Variants in MTUS2 observed in about 807,000 individuals in gnomAD.
The protein encoded by MTUS2 is microtubule-associated tumor suppressor candidate 2.
Under a neutral mutation model 114.1 loss-of-function variants are expected in MTUS2, and 40 were observed. The observed-to-expected ratio is 0.35, with a 90% confidence interval of 0.27 to 0.46. The LOEUF is 0.46. Ranked by LOEUF, MTUS2 falls within the 20% of genes least tolerant of loss-of-function variation. The pLI is 1.00. For missense variants in MTUS2, 1,679 were observed against 1,705.4 expected (o/e 0.98, Z 0.27); for synonymous variants, 688 against 672.0 (o/e 1.02, Z -0.37).
chr13:29,379,655 A>G (rs1359541428), intron 8 of MTUS2, among the ~76,000 whole-genome samples: 2 of 152,202 alleles, frequency 1.3e-5, no homozygotes, highest in African/African-American at 4.8e-5. Flanking sequence ...TACCGTCATC[A>G]TACATGTCCT....
At chr13:28,929,677 T>C (rs17072383) in intron 2 of MTUS2, among the ~76,000 whole-genome samples, 14,033 of 152,108 alleles carry the variant, frequency 0.092, 867 homozygotes, top group South Asian at 0.23. Context: ...GGGAGGACTT[T>C]ATTTAGTAGG....
At chr13:28,989,578 C>G (rs1884734176) in intron 2 of MTUS2, among the ~76,000 whole-genome samples, 1 of 152,178 alleles carries the variant, frequency 6.6e-6, no homozygotes, top group Non-Finnish European at 1.5e-5. Flanking sequence ...ATCTGGGTCA[C>G]AGTTTGGTGA....
chr13:29,356,805 A>G (rs751842948), intron 7 of MTUS2, among the ~76,000 whole-genome samples: 2 of 152,294 alleles, frequency 1.3e-5, no homozygotes, highest in East Asian at 1.9e-4. Context: ...TTTTCTTCCT[A>G]AAGTCTTAGC....
At chr13:28,825,743 T>G (rs913886499) in intron 1 of MTUS2, among the ~76,000 whole-genome samples, 1 of 152,228 alleles carries the variant, frequency 6.6e-6, no homozygotes, top group Non-Finnish European at 1.5e-5. Context: ...GCTGTTTCAT[T>G]TTTTAAGCTG....
At chr13:29,260,972 G>T (rs1478224192) in intron 5 of MTUS2, among the ~76,000 whole-genome samples, 1 of 152,120 alleles carries the variant, frequency 6.6e-6, no homozygotes, top group East Asian at 1.9e-4. Context: ...CCAAGATGTG[G>T]GTAGTGCTGC....
At chr13:28,995,451 A>C (rs370567694) in intron 2 of MTUS2, among the ~76,000 whole-genome samples, 4,180 of 151,680 alleles carry the variant, frequency 0.028, 178 homozygotes, top group African/African-American at 0.095. Context: ...TCATTGGTAG[A>C]TTGATGGGGA....
At chr13:29,125,140 A>G (rs551738158) in intron 5 of MTUS2, among the ~76,000 whole-genome samples, 1 of 152,366 alleles carries the variant, frequency 6.6e-6, no homozygotes, top group East Asian at 1.9e-4. Context: ...ATGTCAGCCA[A>G]TTATTTAGTT....
chr13:29,411,458 GT>G (rs1875233181), intron 8 of MTUS2, among the ~76,000 whole-genome samples: 1 of 152,162 alleles, frequency 6.6e-6, no homozygotes, highest in Admixed American at 6.5e-5. Context: ...GTACCACATT[GT>G]TTTAATTATA....
intron 2 of MTUS2, among the ~76,000 whole-genome samples, chr13:28,884,060 A>G (rs1321215996): frequency 1.2e-4 from 18 of 152,190 alleles, no homozygotes; most frequent in Non-Finnish European, 5.9e-5. Context: ...TTCTGGATAT[A>G]TAGTCTGAAT....
chr13:29,139,134 G>A (rs975908804), intron 5 of MTUS2, among the ~76,000 whole-genome samples: 4 of 150,878 alleles, frequency 2.7e-5, no homozygotes, highest in Admixed American at 6.6e-5. Flanking sequence ...AGGCACTTAT[G>A]CATGTAAGCT....
chr13:28,828,989 A>C (rs575711287), intron 1 of MTUS2, among the ~76,000 whole-genome samples: 3 of 152,340 alleles, frequency 2.0e-5, no homozygotes, highest in African/African-American at 7.2e-5. Context: ...CTTGGAACAC[A>C]TCTGAATTAT....
intron 5 of MTUS2, among the ~76,000 whole-genome samples, chr13:29,188,344 T>G (rs188158505): frequency 1.3e-5 from 2 of 152,142 alleles, no homozygotes; most frequent in African/African-American, 4.8e-5. Context: ...TGGGAAGATA[T>G]ACATCTTGGA....
chr13:28,903,902 TC>T (rs1879809914), intron 2 of MTUS2, among the ~76,000 whole-genome samples: 1 of 152,176 alleles, frequency 6.6e-6, no homozygotes, highest in Non-Finnish European at 1.5e-5. Flanking sequence ...TTCCTATTTC[TC>T]CACATCCTCT....
intron 5 of MTUS2, among the ~76,000 whole-genome samples, chr13:29,237,000 A>G (rs1376667473): frequency 2.0e-5 from 3 of 152,208 alleles, no homozygotes; most frequent in Non-Finnish European, 4.4e-5. Context: ...AACTGTTTTC[A>G]TCTGTACCCA....
At chr13:28,991,609 C>T (rs1471481276) in intron 2 of MTUS2, among the ~76,000 whole-genome samples, 3 of 152,194 alleles carry the variant, frequency 2.0e-5, no homozygotes, top group Admixed American at 6.5e-5. Context: ...ACCTCATGAT[C>T]TGCCTGTCTC....
At position 29,339,210 on chromosome 13, in the gene MTUS2, C is replaced by T. The variant is rs186057628; in HGVS notation, c.2905+14499C>T. On this transcript the variant is annotated intron_variant, in intron 7 of 15. Transcript: ENST00000612955. ...GGTGGCTCTTCAACTGGGCTGTGGC[C>T]GGCGTACTTCCTGCAGTAGGGCAGG... 1.1e-3 allele frequency among the ~76,000 whole-genome samples: 168 copies of T among 152,254 alleles called. 1 individual carries two copies. The highest frequency in any genetic ancestry group is 3.9e-3 in the African/African-American group (161 of 41,558).
chr13:29,429,782 A>G (rs1876851486), intron 8 of MTUS2, among the ~76,000 whole-genome samples: 1 of 152,212 alleles, frequency 6.6e-6, no homozygotes, highest in African/African-American at 2.4e-5. Context: ...GACATCAGCT[A>G]TCTAGATAGC....
chr13:29,357,773 A>C (rs1005904231), intron 7 of MTUS2, among the ~76,000 whole-genome samples: 1 of 152,246 alleles, frequency 6.6e-6, no homozygotes, highest in Non-Finnish European at 1.5e-5. Context: ...CTATTCCATT[A>C]AGTCAGAATA....
chr13:29,208,668 A>G (rs1481960974), intron 5 of MTUS2, among the ~76,000 whole-genome samples: 1 of 152,072 alleles, frequency 6.6e-6, no homozygotes, highest in Non-Finnish European at 1.5e-5. Context: ...TTAAATTTCC[A>G]TCTTGATTTC....
Sources: allele counts gnomAD v4.1 joint callset (sites outside exome capture counted in the v4.1 genomes callset), GRCh38; gene constraint gnomAD v4.1.1; transcripts MANE v1.5; gene names NCBI Gene and HGNC (gene_info 2026-07-23, HGNC 2026-07-21).